DCDC1: variants seen among roughly 807,000 people sequenced by gnomAD.
DCDC1 encodes doublecortin domain containing 1, also known as doublecortin domain-containing protein 1.
In DCDC1, 200 loss-of-function variants were observed where a neutral mutation model predicts 178.3. The ratio of observed to expected loss-of-function variants is 1.12; its 90% confidence interval spans 1.00 to 1.26. The LOEUF (loss-of-function observed/expected upper bound fraction) is 1.26. DCDC1 is among the 50% of genes most tolerant of loss of function. The probability of loss-of-function intolerance (pLI) is 0.00; values close to 1 mark genes in which losing one functional copy is unlikely to be tolerated. For missense variants in DCDC1, 1,983 were observed against 1,749.2 expected (o/e 1.13, Z -2.38); for synonymous variants, 690 against 604.8 (o/e 1.14, Z -2.07).
At chr11:31,255,575 A>G in intron 8 of DCDC1, among the ~76,000 whole-genome samples, 1 of 152,096 alleles carries the variant, frequency 6.6e-6, no homozygotes, top group East Asian at 1.9e-4. Context: ...TTCCCTAATG[A>G]TTAAGGATGT....
chr11:31,278,021 T>C (rs1015443138), intron 7 of DCDC1, among the ~76,000 whole-genome samples: 17 of 152,268 alleles, frequency 1.1e-4, no homozygotes, highest in African/African-American at 3.8e-4. Flanking sequence ...AGAATTAGTA[T>C]AGTTTTGTTC....
At chr11:31,141,860 C>T (rs578238365) in intron 9 of DCDC1, among the ~76,000 whole-genome samples, 1 of 152,194 alleles carries the variant, frequency 6.6e-6, no homozygotes, top group African/African-American at 2.4e-5. Context: ...AGCGCGAGAG[C>T]TTTCTCTTTT....
At chr11:31,088,451 T>G (rs1291002909) in intron 17 of DCDC1, among the ~76,000 whole-genome samples, 4 of 152,146 alleles carry the variant, frequency 2.6e-5, no homozygotes, top group Non-Finnish European at 5.9e-5. Flanking sequence ...TTTGGCTTGT[T>G]AGCTATAACT....
At chr11:30,902,936 G>T (rs1197312631) in intron 32 of DCDC1, among the ~76,000 whole-genome samples, 1 of 152,128 alleles carries the variant, frequency 6.6e-6, no homozygotes, top group Non-Finnish European at 1.5e-5. Flanking sequence ...TCATTATCAT[G>T]CAGTGTGTCC....
chr11:31,361,858 A>G (rs1230937414), intron 1 of DCDC1, among the ~76,000 whole-genome samples: 1 of 152,192 alleles, frequency 6.6e-6, no homozygotes, highest in Admixed American at 6.5e-5. Context: ...TCCAAATCCA[A>G]CGCAGGAACT....
intron 21 of DCDC1, among the ~76,000 whole-genome samples, chr11:30,950,758 A>G (rs566832086): frequency 6.6e-6 from 1 of 152,262 alleles, no homozygotes; most frequent in South Asian, 2.1e-4. Context: ...GTACAAAACT[A>G]CAGTTTAGAT....
At chr11:30,906,512 C>A in intron 30 of DCDC1, 28 bp downstream of exon 30, 3 of 1,592,912 alleles carry the variant, frequency 1.9e-6, no homozygotes, top group Non-Finnish European at 2.6e-6. Context: ...GCCATACATG[C>A]ATTAGCAGAG....
At chr11:31,313,642 G>A (rs939236632) in intron 3 of DCDC1, among the ~76,000 whole-genome samples, 1 of 152,136 alleles carries the variant, frequency 6.6e-6, no homozygotes, top group African/African-American at 2.4e-5. Context: ...TTGTATGATA[G>A]TTTTGCTGAA....
chr11:31,251,919 A>C (rs1280763506), intron 8 of DCDC1, among the ~76,000 whole-genome samples: 3 of 152,160 alleles, frequency 2.0e-5, no homozygotes, highest in South Asian at 2.1e-4. Context: ...AGTAATACTA[A>C]GTAAAGATAG....
At chr11:31,241,713 A>G in intron 8 of DCDC1, 97 bp from the exon 9 acceptor site, 1 of 391,242 alleles carries the variant, frequency 2.6e-6, no homozygotes, top group Non-Finnish European at 4.5e-6. Context: ...AACTCTTAAC[A>G]TCTATTATTT....
At position 31,310,597 on chromosome 11, in the gene DCDC1, C is replaced by T. The variant is rs530171794; in HGVS notation, c.165-2689G>A. Reference sequence around the variant, plus strand: ...GCCTCTCAAAGTGCTGGGATTACACCGCGCCCAGCCTCAGTAGTTCTTACA... The same window carrying T: ...GCCTCTCAAAGTGCTGGGATTACACTGCGCCCAGCCTCAGTAGTTCTTACA... On this transcript the variant is annotated intron_variant, in intron 3 of 38. Coordinates refer to ENST00000684477, the MANE Select transcript of DCDC1 (RefSeq NM_001387274.1). 1.2e-4 allele frequency among the ~76,000 whole-genome samples: 18 copies of T among 151,898 alleles called. No homozygotes were observed. The South Asian group carries it at 2.9e-3, about 25-fold the overall frequency.
At chr11:31,167,801 T>A (rs900933883) in intron 9 of DCDC1, among the ~76,000 whole-genome samples, 4 of 152,206 alleles carry the variant, frequency 2.6e-5, no homozygotes, top group African/African-American at 9.7e-5. Context: ...AGAGCTTTTT[T>A]AAAATACTGA....
chr11:30,928,507 T>A (rs1002141300), intron 22 of DCDC1, among the ~76,000 whole-genome samples: 2 of 150,570 alleles, frequency 1.3e-5, no homozygotes, highest in African/African-American at 2.4e-5. Flanking sequence ...CTATAAATTG[T>A]GAAATATGTT....
chr11:31,203,156 C>T (rs1971489140), intron 9 of DCDC1, among the ~76,000 whole-genome samples: 1 of 151,774 alleles, frequency 6.6e-6, no homozygotes, highest in Admixed American at 6.6e-5. Context: ...TGAAAGACAG[C>T]CAAAAAATTT....
intron 2 of DCDC1, 37 bp from the exon 3 acceptor site, chr11:31,328,323 T>A: frequency 6.6e-7 from 1 of 1,515,878 alleles, no homozygotes; most frequent in Non-Finnish European, 8.9e-7. Context: ...ATTTTAAATG[T>A]AAAATCCTAC....
At chr11:31,054,244 GA>G (rs58611104) in intron 20 of DCDC1, among the ~76,000 whole-genome samples, 48,966 of 119,020 alleles carry the variant, frequency 0.41, 8,387 homozygotes, top group Middle Eastern at 0.45. Context: ...AAGGAAAAAA[GA>G]AAAAAAAAAA....
chr11:31,109,439 C>A (rs1007618268), intron 12 of DCDC1, among the ~76,000 whole-genome samples: 2 of 152,242 alleles, frequency 1.3e-5, no homozygotes, highest in African/African-American at 4.8e-5. Context: ...TAAAAAGAAA[C>A]CAGCCAAGGC....
chr11:30,928,457 G>A lies in DCDC1; in HGVS notation c.2898-3049C>T, dbSNP rs187552918. ...AGGTAAAATATAAAAATTTAACTAC[G>A]CCACTCTTAATTCAAGCAAATATAA... is the stretch of plus-strand genomic sequence containing the variant. On this transcript the variant is annotated intron_variant, in intron 22 of 38. Transcript: ENST00000684477. Among the ~76,000 whole-genome samples, 506 of 137,116 alleles carry A rather than the reference G, an allele frequency of 3.7e-3. 3 individuals are homozygous for A. Among genetic ancestry groups the A allele is most frequent in the Non-Finnish European group, 6.6e-3 (405 of 61,244 alleles). 90.0% of individuals were successfully genotyped at this position (137,116 alleles called of 152,430 possible). A position where few individuals can be genotyped will look rare whatever the true frequency, so the allele number is the denominator to read the frequency against.
At chr11:31,216,733 T>C (rs946286160) in intron 9 of DCDC1, among the ~76,000 whole-genome samples, 2 of 152,170 alleles carry the variant, frequency 1.3e-5, no homozygotes, top group East Asian at 3.9e-4. Flanking sequence ...CTCAGGGTCT[T>C]AGCTTTCCCC....
Sources: gnomAD v4.1 joint callset for allele counts (sites outside exome capture counted in the v4.1 genomes callset) on GRCh38, gnomAD v4.1.1 for gene constraint, MANE v1.5 for transcripts, NCBI Gene and HGNC (gene_info 2026-07-23, HGNC 2026-07-21) for gene names.